Variants in SPMAP2L observed in about 807,000 individuals in gnomAD.
SPMAP2L encodes the protein sperm microtubule associated protein 2-like.
the SPMAP2L span, among the ~76,000 whole-genome samples, chr4:56,546,450 A>G: frequency 3.3e-5 from 5 of 152,190 alleles, no homozygotes; most frequent in African/African-American, 9.7e-5. Context: ...TTGTGACTTA[A>G]TTGGTCTGAG....
At chr4:56,546,680 G>A in the SPMAP2L span, among the ~76,000 whole-genome samples, 3 of 152,162 alleles carry the variant, frequency 2.0e-5, no homozygotes, top group Non-Finnish European at 4.4e-5. Context: ...GTATGAAAGA[G>A]CAATAGCAAA....
chr4:56,575,994 C>T, the SPMAP2L span, among the ~76,000 whole-genome samples: 3 of 152,156 alleles, frequency 2.0e-5, no homozygotes, highest in Non-Finnish European at 4.4e-5. Flanking sequence ...GCTTTGAAGG[C>T]TGAATTTCTC....
At chr4:56,579,220 A>G in the SPMAP2L span, among the ~76,000 whole-genome samples, 2 of 152,172 alleles carry the variant, frequency 1.3e-5, no homozygotes, top group South Asian at 4.1e-4. Flanking sequence ...TCATAAAACA[A>G]GTCTCAATAA....
At chr4:56,566,753 A>G in the SPMAP2L span, among the ~76,000 whole-genome samples, 9 of 131,588 alleles carry the variant, frequency 6.8e-5, no homozygotes, top group Middle Eastern at 5.0e-3. Flanking sequence ...CTGGAGTGCA[A>G]TGGTGCAATC....
the SPMAP2L span, among the ~76,000 whole-genome samples, chr4:56,561,108 C>T: frequency 6.6e-6 from 1 of 152,112 alleles, no homozygotes; most frequent in African/African-American, 2.4e-5. Context: ...TTACAGGCTA[C>T]AATCATTGGT....
the SPMAP2L span, among the ~76,000 whole-genome samples, chr4:56,542,321 T>A: frequency 2.0e-5 from 3 of 152,216 alleles, no homozygotes; most frequent in African/African-American, 2.4e-5. Context: ...TGGCTCTTTG[T>A]TAAAATTCTA....
At chr4:56,559,578 T>C in the SPMAP2L span, 2 of 1,419,710 alleles carry the variant, frequency 1.4e-6, no homozygotes, top group Middle Eastern at 1.8e-4. Flanking sequence ...TGTTGTTTTT[T>C]GCTTTTTGAG....
chr4:56,543,923 T>G, the SPMAP2L span, among the ~76,000 whole-genome samples: 1 of 119,444 alleles, frequency 8.4e-6, no homozygotes, highest in South Asian at 2.8e-4. Context: ...TGTGTGTGTG[T>G]GTATGTGAGA....
At chr4:56,534,705 T>C in the SPMAP2L span, among the ~76,000 whole-genome samples, 2 of 152,154 alleles carry the variant, frequency 1.3e-5, no homozygotes, top group Non-Finnish European at 2.9e-5. Context: ...GGTGGGTGAA[T>C]TACCTGAGGT....
the SPMAP2L span, among the ~76,000 whole-genome samples, chr4:56,571,337 T>C: frequency 6.6e-6 from 1 of 151,734 alleles, no homozygotes; most frequent in Admixed American, 6.6e-5. Context: ...TTTTTTTTTT[T>C]CAGAGGTCTT....
At chr4:56,562,795 TACTATGTG>T in the SPMAP2L span, among the ~76,000 whole-genome samples, 2 of 151,338 alleles carry the variant, frequency 1.3e-5, no homozygotes, top group East Asian at 3.9e-4. Flanking sequence ...TCTTTTTTTT[TACTATGTG>T]TGTATTTACA....
the SPMAP2L span, among the ~76,000 whole-genome samples, chr4:56,551,535 C>A: frequency 2.0e-5 from 3 of 152,220 alleles, no homozygotes; most frequent in East Asian, 5.8e-4. Context: ...CTACTCATTT[C>A]GATATGGTTT....
At chr4:56,582,929 A>G in the SPMAP2L span, among the ~76,000 whole-genome samples, 1 of 152,236 alleles carries the variant, frequency 6.6e-6, no homozygotes, top group East Asian at 1.9e-4. Flanking sequence ...AAACATGCTA[A>G]GTGAAGGAAG....
the SPMAP2L span, chr4:56,595,685 G>A: frequency 4.5e-6 from 5 of 1,111,334 alleles, no homozygotes; most frequent in South Asian, 4.9e-5. Flanking sequence ...AAGTTTATGA[G>A]TTGCCATTTT....
At chr4:56,553,083 A>G in the SPMAP2L span, among the ~76,000 whole-genome samples, 1 of 151,770 alleles carries the variant, frequency 6.6e-6, no homozygotes, top group African/African-American at 2.4e-5. Context: ...GTCTCCAGCA[A>G]GCTGGACCCT....
At chr4:56,530,749 T>C in the SPMAP2L span, 2 of 1,535,274 alleles carry the variant, frequency 1.3e-6, no homozygotes, top group Non-Finnish European at 1.7e-6. Flanking sequence ...AACAGAAATA[T>C]CCACTTGCTC....
the SPMAP2L span, among the ~76,000 whole-genome samples, chr4:56,540,526 G>A: frequency 6.6e-6 from 1 of 152,052 alleles, no homozygotes; most frequent in African/African-American, 2.4e-5. Context: ...CTGGGTGACA[G>A]AGTGAGACTC....
At chr4:56,596,139 T>C in the SPMAP2L span, among the ~76,000 whole-genome samples, 2 of 152,344 alleles carry the variant, frequency 1.3e-5, no homozygotes, top group Non-Finnish European at 2.9e-5. Flanking sequence ...TTGTATACCC[T>C]GAAGAACTCT....
the SPMAP2L span, among the ~76,000 whole-genome samples, chr4:56,619,336 T>C: frequency 6.6e-6 from 1 of 152,230 alleles, no homozygotes; most frequent in African/African-American, 2.4e-5. Flanking sequence ...GGCAGATTTC[T>C]AGAGCTTATT....
Sources: gnomAD v4.1 joint callset for allele counts (sites outside exome capture counted in the v4.1 genomes callset) on GRCh38, gnomAD v4.1.1 for gene constraint, MANE v1.5 for transcripts, NCBI Gene and HGNC (gene_info 2026-07-23, HGNC 2026-07-21) for gene names.